Variants in FNTB observed in about 807,000 individuals in gnomAD.
FNTB encodes farnesyltransferase, CAAX box, subunit beta, also known as protein farnesyltransferase subunit beta.
FNTB carries 27 observed loss-of-function variants against 59.4 expected under a neutral mutation model. That is an observed-to-expected ratio of 0.45 (90% CI 0.34 to 0.63). The LOEUF is 0.63. FNTB is among the 20% of genes least tolerant of loss of function. The probability of loss-of-function intolerance (pLI) is 0.02; values close to 1 mark genes in which losing one functional copy is unlikely to be tolerated. For synonymous variants in FNTB, 230 were observed against 220.7 expected (o/e 1.04, Z -0.37); for missense variants, 449 against 559.6 (o/e 0.80, Z 1.99).
intron 8 of FNTB, among the ~76,000 whole-genome samples, chr14:65,043,556 C>T (rs1444829690): frequency 6.6e-6 from 1 of 152,194 alleles, no homozygotes; most frequent in Non-Finnish European, 1.5e-5. Context: ...GGCACGGTGG[C>T]TCACGCCTGT....
intron 4 of FNTB, among the ~76,000 whole-genome samples, chr14:65,018,069 C>T (rs757871551): frequency 2.0e-5 from 3 of 152,182 alleles, no homozygotes; most frequent in South Asian, 4.1e-4. Context: ...AATGTGGCCA[C>T]GCATGATCAC....
intron 11 of FNTB, among the ~76,000 whole-genome samples, chr14:65,058,110 CT>C (rs568696633): frequency 0.13 from 19,690 of 147,426 alleles, 4,067 homozygotes; most frequent in African/African-American, 0.44. Flanking sequence ...AGAGAACCAA[CT>C]TTTTTTTTTT....
intron 4 of FNTB, chr14:65,016,636 G>A (rs1287339495): frequency 6.6e-6 from 1 of 152,338 alleles, no homozygotes; most frequent in Non-Finnish European, 1.5e-5. Context: ...TGTCAGGTCA[G>A]AGGAACAGAA....
intron 1 of FNTB, 146 bp downstream of exon 1, chr14:64,987,243 G>T (rs1284318246): frequency 1.0e-6 from 1 of 985,238 alleles, no homozygotes; most frequent in East Asian, 2.6e-5. Flanking sequence ...GAAGCTCCGG[G>T]CGCCCAGGCT....
chr14:65,005,281 C>T (rs550468304), intron 2 of FNTB, among the ~76,000 whole-genome samples: 8 of 152,220 alleles, frequency 5.3e-5, no homozygotes, highest in Admixed American at 2.0e-4. Context: ...ATATGTCACA[C>T]TAGAATTTCA....
rs375907071 is a variant in FNTB at position 65,017,077 on chromosome 14, C to T, written c.374+1361C>T. On this transcript the variant is annotated intron_variant, in intron 4 of 11. Transcript: ENST00000246166. ...AGCTGGGATTACAGGCACCCACCAC[C>T]GTGCCTGGCTAATTTTTGTATTTTT... Among the ~76,000 whole-genome samples, 329 of 152,056 alleles carry T rather than the reference C, an allele frequency of 2.2e-3. 2 individuals are homozygous for T. The highest frequency in any genetic ancestry group is 3.1e-3 in the Non-Finnish European group (208 of 67,994).
rs530143984 is a variant in FNTB, at chr14:65,007,861, C to T, written c.209+3548C>T. Among the ~76,000 whole-genome samples, 9 of 152,266 alleles carry T rather than the reference C, an allele frequency of 5.9e-5. No homozygotes were observed. Among genetic ancestry groups the T allele is most frequent in the South Asian group, 4.1e-4 (2 of 4,828 alleles). On this transcript the variant is annotated intron_variant, in intron 2 of 11. Coordinates refer to ENST00000246166, the MANE Select transcript of FNTB (RefSeq NM_002028.4). This position sits in a 1 kb window ranked among gnomAD's most constrained non-coding sequence, Gnocchi z 4.9. ...ATTTGTTTTCTCCTGGGCAAGGAGA[C>T]GGGTGCTCCTCAGAAGTGAGAAATA... is the stretch of plus-strand genomic sequence containing the variant.
intron 4 of FNTB, chr14:65,021,967 T>G: frequency 2.2e-6 from 1 of 456,072 alleles, no homozygotes; most frequent in Non-Finnish European, 4.4e-6. Context: ...ACTTTCGACC[T>G]GACCATTCTT....
At chr14:65,015,293 G>C (rs546175765) in intron 3 of FNTB, among the ~76,000 whole-genome samples, 1 of 151,886 alleles carries the variant, frequency 6.6e-6, no homozygotes, top group South Asian at 2.1e-4. Flanking sequence ...AATAGAGACA[G>C]GGTTTCGCCA....
chr14:65,006,756 C>T (rs1595003608), intron 2 of FNTB, among the ~76,000 whole-genome samples: 1 of 152,318 alleles, frequency 6.6e-6, no homozygotes, highest in Non-Finnish European at 1.5e-5. Flanking sequence ...TGGTCTCTTT[C>T]ATTCCTTTTT....
At chr14:65,060,697 CAAAAA>C (rs59036615) in intron 11 of FNTB, among the ~76,000 whole-genome samples, 1 of 48,632 alleles carries the variant, frequency 2.1e-5, no homozygotes, top group Non-Finnish European at 3.2e-5. Flanking sequence ...GACTCCGTCT[CAAAAA>C]AAAAAAAAAA....
intron 4 of FNTB, among the ~76,000 whole-genome samples, chr14:65,020,806 A>G (rs1486574619): frequency 2.1e-5 from 3 of 142,412 alleles, no homozygotes; most frequent in Admixed American, 7.5e-5. Flanking sequence ...ATCTCAGCTC[A>G]CTGCAACCTC....
rs1174330237 is a variant in FNTB at position 65,011,039 on chromosome 14, G to A, written c.210-1278G>A. ...GATATCCCCTCCCTTTTGAGCCTCA[G>A]TAGTATGTTTTTCCCTTGCAAAACC... On this transcript the variant is annotated intron_variant, in intron 2 of 11. Coordinates refer to ENST00000246166, the MANE Select transcript of FNTB (RefSeq NM_002028.4). The surrounding 1 kb of genome is among the most constrained non-coding windows in gnomAD (Gnocchi z 4.0). 1.3e-5 allele frequency among the ~76,000 whole-genome samples: 2 copies of A among 152,144 alleles called. No individual in the cohort carries two copies. The highest frequency in any genetic ancestry group is 2.9e-5 in the Non-Finnish European group (2 of 68,034).
Position 65,020,196 on chromosome 14 carries a change from G to T in FNTB, c.374+4480G>T, listed in dbSNP as rs1360789824. ...ACAAAATACTTTTGTCAGCTGCTAT[G>T]ACCGCTGACCAAAGCCAGCAAGGCG... On this transcript the variant is annotated intron_variant, in intron 4 of 11. Coordinates refer to ENST00000246166, the MANE Select transcript of FNTB (RefSeq NM_002028.4). Among the ~76,000 whole-genome samples, 4 of 152,216 alleles carry T rather than the reference G, an allele frequency of 2.6e-5. No individual in the cohort carries two copies. In the East Asian group the frequency reaches 7.7e-4, roughly 29 times the overall value.
chr14:65,016,038 A>G (rs1001963463), intron 4 of FNTB, among the ~76,000 whole-genome samples: 5 of 152,222 alleles, frequency 3.3e-5, no homozygotes, highest in African/African-American at 1.2e-4. Flanking sequence ...GCCAGAAAGT[A>G]CAGTATGCAT....
rs753133724 is a variant in FNTB, at chr14:65,054,471, G to A, written c.1068-104G>A. The A allele has an allele frequency of 3.9e-5, 45 of 1,163,950 alleles. No homozygotes were observed. The Middle Eastern group carries it at 5.9e-4, about 15-fold the overall frequency. The allele number at this position is 1,163,950 out of a possible 1,614,324, so 72.1% of individuals were successfully genotyped here. ...CCTCCTCTAGCCACATGGAGGATGGGGGGGGACGTGTGATTGCACCAGTGG... is the reference window on the plus strand; with the variant it reads ...CCTCCTCTAGCCACATGGAGGATGGAGGGGGACGTGTGATTGCACCAGTGG... On this transcript the variant is annotated intron_variant, in intron 10 of 11. Transcript: ENST00000246166. This position sits in a 1 kb window ranked among gnomAD's most constrained non-coding sequence, Gnocchi z 4.4.
chr14:64,998,922 C>T (rs886967638), intron 1 of FNTB, among the ~76,000 whole-genome samples: 6 of 151,986 alleles, frequency 3.9e-5, no homozygotes, highest in African/African-American at 1.4e-4. Flanking sequence ...GCCAAATTGT[C>T]CACCAGCTGA....
chr14:65,014,413 T>TA lies in FNTB; in HGVS notation c.283-1211dup, dbSNP rs1387865942. Reference sequence around the variant, plus strand: ...GTCCATTACAGCATTTCTCCAGGTATATGTACACGTGTTGGTTCCAGAAAG... The same window carrying TA: ...GTCCATTACAGCATTTCTCCAGGTATAATGTACACGTGTTGGTTCCAGAAAG... On this transcript the variant is annotated intron_variant, in intron 3 of 11. Coordinates refer to ENST00000246166, the MANE Select transcript of FNTB (RefSeq NM_002028.4). The surrounding 1 kb of genome is among the most constrained non-coding windows in gnomAD (Gnocchi z 5.1). 6.6e-6 allele frequency among the ~76,000 whole-genome samples: 1 copy of TA among 152,172 alleles called. No individual in the cohort carries two copies. The highest frequency in any genetic ancestry group is 2.4e-5 in the African/African-American group (1 of 41,438).
Position 65,007,654 on chromosome 14 carries a change from C to A in FNTB, c.209+3341C>A, listed in dbSNP as rs972427677. 6.6e-6 allele frequency among the ~76,000 whole-genome samples: 1 copy of A among 152,150 alleles called. No individual in the cohort carries two copies. The highest frequency in any genetic ancestry group is 2.4e-5 in the African/African-American group (1 of 41,432). ...AGTCCCAAGGAGCTTTTTGACCATGCTTTTCATGGTTTTGTTTATTCATGT... is the reference window on the plus strand; with the variant it reads ...AGTCCCAAGGAGCTTTTTGACCATGATTTTCATGGTTTTGTTTATTCATGT... On this transcript the variant is annotated intron_variant, in intron 2 of 11. Transcript: ENST00000246166. The surrounding 1 kb of genome is among the most constrained non-coding windows in gnomAD (Gnocchi z 4.9).
Sources: gnomAD v4.1 joint callset for allele counts (sites outside exome capture counted in the v4.1 genomes callset) on GRCh38, gnomAD v4.1.1 for gene constraint, Gnocchi (gnomAD v3.1) non-coding constraint, MANE v1.5 for transcripts, NCBI Gene and HGNC (gene_info 2026-07-23, HGNC 2026-07-21) for gene names.